VTI1A: variants seen among roughly 807,000 people sequenced by gnomAD.
The protein encoded by VTI1A is vesicle transport through interaction with t-SNAREs homolog 1A.
Under a neutral mutation model 34.9 loss-of-function variants are expected in VTI1A, and 22 were observed. That is an observed-to-expected ratio of 0.63 (90% CI 0.45 to 0.90). The LOEUF (loss-of-function observed/expected upper bound fraction) is 0.90, where lower values mean the gene tolerates loss of function less well. Among genes scored for constraint, VTI1A ranks in the 40% least tolerant of loss-of-function variants. The probability of loss-of-function intolerance (pLI) is 0.00; values close to 1 mark genes in which losing one functional copy is unlikely to be tolerated. For missense variants in VTI1A, 268 were observed against 275.6 expected, an observed-to-expected ratio of 0.97 and a Z score of 0.20; for synonymous variants, 87 against 97.3, an observed-to-expected ratio of 0.89 and a Z score of 0.62.
chr10:112,687,219 CTTTTTTTTT>C (rs71303594), intron 7 of VTI1A, among the ~76,000 whole-genome samples: 2 of 84,562 alleles, frequency 2.4e-5, no homozygotes, highest in African/African-American at 5.7e-5. Context: ...CATACTACAA[CTTTTTTTTT>C]TTTTTTTTTT....
At chr10:112,598,260 T>C (rs1844744234) in intron 5 of VTI1A, among the ~76,000 whole-genome samples, 1 of 152,188 alleles carries the variant, frequency 6.6e-6, no homozygotes, top group Non-Finnish European at 1.5e-5. Context: ...CACTTGTAAG[T>C]CTCTAATTAT....
intron 7 of VTI1A, among the ~76,000 whole-genome samples, chr10:112,722,551 G>T (rs889340059): frequency 5.3e-5 from 8 of 152,118 alleles, no homozygotes; most frequent in South Asian, 4.2e-4. Flanking sequence ...TTTGATATGA[G>T]CCTGCAACAT....
chr10:112,470,215 T>C (rs554336977), intron 3 of VTI1A, among the ~76,000 whole-genome samples: 6 of 152,226 alleles, frequency 3.9e-5, no homozygotes, highest in Non-Finnish European at 7.3e-5. Flanking sequence ...TAACAGATAA[T>C]TTTATATATC....
chr10:112,573,026 T>C (rs1327930374), intron 5 of VTI1A, among the ~76,000 whole-genome samples: 1 of 151,946 alleles, frequency 6.6e-6, no homozygotes, highest in Non-Finnish European at 1.5e-5. Flanking sequence ...ACTAGATAAA[T>C]AAGTTGTTAC....
rs77906073 is a variant in VTI1A, at chr10:112,476,959, G to C, written c.264+12302G>C. Among the ~76,000 whole-genome samples the C allele has an allele frequency of 2.2e-3, 333 of 152,268 alleles. 2 individuals carry two copies. The highest frequency in any genetic ancestry group is 7.2e-3 in the African/African-American group (298 of 41,576). ...GCTGGTGGTGGTAAAGACTGAGCCA[G>C]ATCTGATCTCTAGGGTGAAGATTTT... On this transcript the variant is annotated intron_variant, in intron 3 of 7. Transcript: ENST00000393077.
chr10:112,529,977 A>T (rs1486702133), intron 4 of VTI1A, among the ~76,000 whole-genome samples: 1 of 152,158 alleles, frequency 6.6e-6, no homozygotes, highest in Admixed American at 6.5e-5. Context: ...TCTGCCAATT[A>T]ACTATAAAGT....
At chr10:112,654,596 C>T (rs888411999) in intron 5 of VTI1A, among the ~76,000 whole-genome samples, 1 of 152,032 alleles carries the variant, frequency 6.6e-6, no homozygotes, top group Non-Finnish European at 1.5e-5. Flanking sequence ...GGGTTCACGC[C>T]ATTCTCCTGC....
rs1326561102 is a variant in VTI1A, at chr10:112,697,220, G to T, written c.560+28222G>T. 4.0e-5 allele frequency among the ~76,000 whole-genome samples: 6 copies of T among 149,974 alleles called. No individual in the cohort carries two copies. In the East Asian group the frequency reaches 1.2e-3, roughly 29 times the overall value. On this transcript the variant is annotated intron_variant, in intron 7 of 7. Coordinates refer to ENST00000393077, the MANE Select transcript of VTI1A (RefSeq NM_145206.4). ...CTTTTTTTTTTTTTTTCCAGACAGG[G>T]TCTTGCTCTGTTACCCAGGCTGGAG...
chr10:112,668,598 C>T (rs1309656194), intron 6 of VTI1A, among the ~76,000 whole-genome samples: 2 of 152,032 alleles, frequency 1.3e-5, no homozygotes, highest in Admixed American at 1.3e-4. Context: ...GTCATCTTTC[C>T]TCACTTCATT....
the VTI1A span, among the ~76,000 whole-genome samples, chr10:112,840,163 A>G: frequency 3.3e-5 from 5 of 152,156 alleles, no homozygotes; most frequent in Admixed American, 3.3e-4. Flanking sequence ...CCAGGCTGCT[A>G]TCTCTGGTGA....
At chr10:112,534,339 A>G (rs1033616057) in intron 4 of VTI1A, among the ~76,000 whole-genome samples, 1 of 152,186 alleles carries the variant, frequency 6.6e-6, no homozygotes, top group Non-Finnish European at 1.5e-5. Flanking sequence ...TTTTAGAGAT[A>G]GTCATATTTT....
At chr10:112,555,565 A>G (rs538953993) in intron 5 of VTI1A, among the ~76,000 whole-genome samples, 1 of 152,172 alleles carries the variant, frequency 6.6e-6, no homozygotes, top group Admixed American at 6.5e-5. Context: ...CAATATTTAT[A>G]TGTGAAAGAA....
rs1291135931 is a variant in VTI1A at position 112,447,476 on chromosome 10, C to G, written c.94+9C>G. On this transcript the variant is annotated intron_variant, in intron 1 of 7. Transcript: ENST00000393077. ...CCCACGACTCCCGCCTGGTGAGAGC[C>G]TTGCCCGGCTGGACGAGGGTGCTGG... is the stretch of plus-strand genomic sequence containing the variant. 2.5e-6 allele frequency: 4 copies of G among 1,612,568 alleles called. No individual in the cohort carries two copies. The South Asian group carries it at 4.4e-5, about 18-fold the overall frequency.
chr10:112,757,241 G>T (rs923709605), intron 7 of VTI1A, among the ~76,000 whole-genome samples: 15 of 151,570 alleles, frequency 9.9e-5, no homozygotes, highest in African/African-American at 3.4e-4. Flanking sequence ...TGTGATGAGT[G>T]CTGGGAGGGA....
intron 7 of VTI1A, among the ~76,000 whole-genome samples, chr10:112,777,322 G>A (rs1240224544): frequency 6.6e-6 from 1 of 152,170 alleles, no homozygotes; most frequent in Admixed American, 6.5e-5. Context: ...AATTACTGTG[G>A]TGGGGGTGGA....
Position 112,816,778 on chromosome 10 carries a change from C to T in VTI1A, c.*1395C>T, listed in dbSNP as rs1019717614. The T allele has an allele frequency of 1.1e-4, 25 of 228,084 alleles. No individual in the cohort carries two copies. The highest frequency in any genetic ancestry group is 5.2e-5 in the Non-Finnish European group (6 of 114,868). 14.1% of individuals were successfully genotyped at this position (228,084 alleles called of 1,614,324 possible). ...ATCAAAAATGCTAACCACCTGTGCC[C>T]GTGGATCAATATCACCTGGATGTAG... On this transcript the variant is annotated 3_prime_UTR_variant, in exon 8 of 8. Coordinates refer to ENST00000393077, the MANE Select transcript of VTI1A (RefSeq NM_145206.4).
chr10:112,521,110 C>G (rs1042308339), intron 3 of VTI1A, among the ~76,000 whole-genome samples: 3 of 151,996 alleles, frequency 2.0e-5, no homozygotes, highest in African/African-American at 7.2e-5. Context: ...TGTGCACCTT[C>G]CAGCGAATGA....
chr10:112,798,261 T>A (rs1173788291), intron 7 of VTI1A, among the ~76,000 whole-genome samples: 1 of 152,226 alleles, frequency 6.6e-6, no homozygotes, highest in East Asian at 1.9e-4. Flanking sequence ...ACTAGGCTCC[T>A]CAGCCAACAC....
At chr10:112,728,098 G>A (rs1164906489) in intron 7 of VTI1A, among the ~76,000 whole-genome samples, 1 of 152,174 alleles carries the variant, frequency 6.6e-6, no homozygotes, top group Non-Finnish European at 1.5e-5. Context: ...TCACTAACCA[G>A]AGAAAGGGAT....
Sources: allele counts gnomAD v4.1 joint callset (sites outside exome capture counted in the v4.1 genomes callset), GRCh38; gene constraint gnomAD v4.1.1; transcripts MANE v1.5; gene names NCBI Gene and HGNC (gene_info 2026-07-23, HGNC 2026-07-21).